The following SLC25A45 variants were observed in gnomAD, a reference collection of about 807,000 sequenced individuals.
SLC25A45 encodes solute carrier family 25 member 45.
A neutral mutation model predicts 23.0 loss-of-function variants in SLC25A45; 22 were observed. The ratio of observed to expected loss-of-function variants is 0.95; its 90% CI spans 0.68 to 1.36. The LOEUF (loss-of-function observed/expected upper bound fraction) is 1.36, where lower values mean the gene tolerates loss of function less well. Ranked by LOEUF, SLC25A45 falls within the 40% of genes most tolerant of loss-of-function variation. The pLI, the probability that SLC25A45 is intolerant of heterozygous loss-of-function variation, is 0.00. For missense variants in SLC25A45, 355 were observed against 383.5 expected (o/e 0.93, Z 0.62); for synonymous variants, 136 against 155.0 (o/e 0.88, Z 0.91).
chr11:65,377,869 T>C (rs1336371515), intron 5 of SLC25A45: 2 of 152,296 alleles, frequency 1.3e-5, no homozygotes, highest in Non-Finnish European at 2.9e-5. Context: ...GGCTAGCCTG[T>C]CTCTGAGGGA....
Position 65,376,887 on chromosome 11 carries a change from TG to T in SLC25A45, c.528del (p.Thr177ArgfsTer46). The T allele has an allele frequency of 2.5e-6, 4 of 1,614,176 alleles. No individual in the cohort carries two copies. Among genetic ancestry groups the T allele is most frequent in the Non-Finnish European group, 3.4e-6 (4 of 1,180,006 alleles). ...TAGGTGATGAAGTAGATCCCCACCGTGGGGGTGTCCCTCAGCGTCAGGGCCC... is the reference window on the plus strand; with the variant it reads ...TAGGTGATGAAGTAGATCCCCACCGTGGGGTGTCCCTCAGCGTCAGGGCCC... ...GAWALTLRDTPTVGIYFITYE... is the reference protein window; with the variant it reads ...GAWALTLRDTXTVGIYFITYE... On this transcript the variant is annotated frameshift_variant, in exon 6 of 7. Coordinates refer to ENST00000398802, the MANE Select transcript of SLC25A45 (RefSeq NM_182556.4). LOFTEE classifies it high-confidence loss of function.
At chr11:65,381,831 T>A in intron 2 of SLC25A45, 84 bp downstream of exon 2, 1 of 1,570,292 alleles carries the variant, frequency 6.4e-7, no homozygotes, top group Non-Finnish European at 8.8e-7. Context: ...GACTTTGGTC[T>A]CTGCTCCTCC....
At chr11:65,380,071 G>A in intron 3 of SLC25A45, 61 bp downstream of exon 3, 5 of 1,581,366 alleles carry the variant, frequency 3.2e-6, no homozygotes, top group South Asian at 1.1e-5. Context: ...TGATCTCAGG[G>A]CACCCTGACA....
chr11:65,380,493 T>G, intron 2 of SLC25A45: 1 of 1,366,374 alleles, frequency 7.3e-7, no homozygotes. Context: ...TCCCACCGCC[T>G]ATGAGCCGCG....
intron 2 of SLC25A45, 173 bp from the exon 3 acceptor site, chr11:65,380,348 C>T (rs1855483833): frequency 2.0e-6 from 2 of 1,012,534 alleles, no homozygotes; most frequent in Admixed American, 2.3e-5. Flanking sequence ...CCTGCCACCC[C>T]CTCCACACAG....
chr11:65,382,352 C>T lies in SLC25A45; in HGVS notation c.-19+134G>A, dbSNP rs2137830821. The stretch of plus-strand genomic sequence containing the variant: ...CAGCTCCACTCCCATTCATCTCCAC[C>T]AAGGGGCATGGCCGCCCCCATGCCA... On this transcript the variant is annotated intron_variant, in intron 1 of 6. Transcript: ENST00000398802. This position sits in a 1 kb window ranked among gnomAD's most constrained non-coding sequence, Gnocchi z 4.4. The T allele has an allele frequency of 8.3e-6, 2 of 239,650 alleles. No individual in the cohort carries two copies. Among genetic ancestry groups the T allele is most frequent in the East Asian group, 8.9e-5 (1 of 11,276 alleles). The allele number at this position is 239,650 out of a possible 1,614,324, so 14.8% of individuals were successfully genotyped here.
rs200400514 is a variant in SLC25A45 at position 65,376,460 on chromosome 11, C to T, written c.814G>A (p.Val272Ile). 103 of 1,614,178 alleles carry T rather than the reference C, an allele frequency of 6.4e-5. No homozygotes were observed. The highest frequency in any genetic ancestry group is 7.7e-5 in the Non-Finnish European group (91 of 1,180,034). The change falls in exon 7 of 7, where the codon GTC becomes ATC. Residue 272 changes from valine to isoleucine, a missense_variant. Transcript: ENST00000398802. ...VTINSARAFP[V>I]NAVTFLSYEY... ...TAGCTGAGGAAGGTGACAGCATTGA[C>T]GGGAAAGGCGCGGGCACTGTTGATG...
Position 65,376,903 on chromosome 11 carries a change from C to T in SLC25A45, c.513G>A (p.Thr171=), listed in dbSNP as rs762067583. Residue 171 remains threonine, a synonymous_variant, in exon 6 of 7, where the codon ACG becomes ACA. Transcript: ENST00000398802. ...RGLFRGAWAL[T]LRDTPTVGIY... is the part of the protein sequence containing the mutation. The stretch of plus-strand genomic sequence containing the variant: ...TCCCCACCGTGGGGGTGTCCCTCAG[C>T]GTCAGGGCCCAGGCTCCTCGGAACA... 2.5e-6 allele frequency: 4 copies of T among 1,613,424 alleles called. No homozygotes were observed. Among genetic ancestry groups the T allele is most frequent in the East Asian group, 2.2e-5 (1 of 44,894 alleles).
upstream of SLC25A45, chr11:65,383,701 T>G: frequency 7.7e-6 from 1 of 129,290 alleles, no homozygotes; most frequent in South Asian, 2.5e-4. Flanking sequence ...GCTGTTGCAG[T>G]GAGCCAAGAT....
chr11:65,381,893 AGAAG>A lies in SLC25A45; in HGVS notation c.37+18_37+21del. ...GACCTACCATTGGGTGTGATGTGAC[AGAAG>A]GAAGAAAAATGTCTCACCAGAGATC... On this transcript the variant is annotated intron_variant, in intron 2 of 6. Transcript: ENST00000398802. The A allele has an allele frequency of 1.9e-6, 3 of 1,614,080 alleles. No homozygotes were observed. Among genetic ancestry groups the A allele is most frequent in the East Asian group, 2.2e-5 (1 of 44,882 alleles).
Position 65,380,832 on chromosome 11 carries a change from A to G in SLC25A45, c.38-657T>C, listed in dbSNP as rs1565583524. ...AGAAGCTGGGCTGGGACCACAGCAC[A>G]ACAGGCCTCAGGGCCCGGGACTGCG... On this transcript the variant is annotated intron_variant, in intron 2 of 6. Transcript: ENST00000398802. The G allele has an allele frequency of 3.4e-5, 11 of 327,974 alleles. No homozygotes were observed. In the Middle Eastern group the frequency reaches 6.7e-3, roughly 201 times the overall value. The allele number at this position is 327,974 out of a possible 1,614,324, so 20.3% of individuals were successfully genotyped here.
Position 65,376,191 on chromosome 11 carries a change from G to C in SLC25A45, c.*216C>G. The C allele has an allele frequency of 3.3e-6, 2 of 609,514 alleles. No individual in the cohort carries two copies. The highest frequency in any genetic ancestry group is 5.8e-6 in the Non-Finnish European group (2 of 347,772). The allele number at this position is 609,514 out of a possible 1,614,324, so 37.8% of individuals were successfully genotyped here. A position where few individuals can be genotyped will look rare whatever the true frequency, so the allele number is the denominator to read the frequency against. ...TGTTTCACAGATGTGGGAGGCAAAG[G>C]AGTCAAGGCCAGCTACACAGGGAGG... is the stretch of plus-strand genomic sequence containing the variant. On this transcript the variant is annotated 3_prime_UTR_variant, in exon 7 of 7. Coordinates refer to ENST00000398802, the MANE Select transcript of SLC25A45 (RefSeq NM_182556.4).
At chr11:65,380,675 C>T (rs1339242438) in intron 2 of SLC25A45, 2 of 1,152,738 alleles carry the variant, frequency 1.7e-6, no homozygotes, top group Admixed American at 2.4e-5. Context: ...GAGCTTCTCC[C>T]CTCCCCTCCA....
rs1010749850 is a variant in SLC25A45, at chr11:65,376,448, T to C, written c.826A>G (p.Thr276Ala). The part of the protein sequence containing the change: ...SARAFPVNAV[T>A]FLSYEYLLRW... ...AGGAGATATTCGTAGCTGAGGAAGG[T>C]GACAGCATTGACGGGAAAGGCGCGG... The change falls in exon 7 of 7, where the codon ACC becomes GCC. Residue 276 changes from threonine to alanine, a missense_variant. Coordinates refer to ENST00000398802, the MANE Select transcript of SLC25A45 (RefSeq NM_182556.4). 2 of 1,613,960 alleles carry C rather than the reference T, an allele frequency of 1.2e-6. No homozygotes were observed. Among genetic ancestry groups the C allele is most frequent in the African/African-American group, 1.3e-5 (1 of 74,900 alleles).
Position 65,376,431 on chromosome 11 carries a change from T to G in SLC25A45, c.843A>C (p.Glu281Asp), listed in dbSNP as rs1406583529. 6.2e-7 allele frequency: 1 copy of G among 1,614,014 alleles called. No homozygotes were observed. Among genetic ancestry groups the G allele is most frequent in the Middle Eastern group, 1.6e-4 (1 of 6,062 alleles). ...CTCATCCCCACCAGCGGAGGAGATA[T>G]TCGTAGCTGAGGAAGGTGACAGCAT... ...PVNAVTFLSY[E>D]YLLRWWG Residue 281 changes from glutamate to aspartate, a missense_variant, in exon 7 of 7, where the codon GAA becomes GAC. By Grantham distance (45) the Glu-to-Asp change is conservative. Coordinates refer to ENST00000398802, the MANE Select transcript of SLC25A45 (RefSeq NM_182556.4).
intron 5 of SLC25A45, chr11:65,378,285 A>G (rs1004235606): frequency 2.0e-5 from 3 of 152,230 alleles, no homozygotes; most frequent in Non-Finnish European, 2.9e-5. Flanking sequence ...TGTGCCCGTC[A>G]GAGGCTGTCA....
intron 2 of SLC25A45, chr11:65,380,478 G>A (rs943907520): frequency 3.9e-5 from 51 of 1,319,506 alleles, no homozygotes; most frequent in African/African-American, 5.9e-5. Flanking sequence ...GCCCATACCC[G>A]GGTATCCCAC....
rs535833201 is a variant in SLC25A45 at position 65,375,305 on chromosome 11, G to C, written c.*1102C>G. 6.6e-6 allele frequency: 1 copy of C among 152,420 alleles called. No individual in the cohort carries two copies. Among genetic ancestry groups the C allele is most frequent in the Non-Finnish European group, 1.5e-5 (1 of 68,166 alleles). 9.4% of individuals were successfully genotyped at this position (152,420 alleles called of 1,614,324 possible). On this transcript the variant is annotated 3_prime_UTR_variant, in exon 7 of 7. Transcript: ENST00000398802. ...CAGCTCACAGTCCAGTGGGGAAGCC[G>C]AGAAGCAAATTAATGACTCTGAAGA...
intron 3 of SLC25A45, 79 bp downstream of exon 3, chr11:65,380,053 G>A (rs1855464724): frequency 6.3e-6 from 10 of 1,582,682 alleles, no homozygotes; most frequent in South Asian, 4.4e-5. Context: ...GGCAAGATTA[G>A]CCAGGCCTGA....
Sources: allele counts gnomAD v4.1 joint callset, GRCh38; gene constraint gnomAD v4.1.1; non-coding constraint Gnocchi (gnomAD v3.1); transcripts MANE v1.5; gene names NCBI Gene and HGNC (gene_info 2026-07-23, HGNC 2026-07-21).